The following GNG12 variants were observed in gnomAD, a reference collection of about 807,000 sequenced individuals.
The protein encoded by GNG12 is guanine nucleotide-binding protein G(I)/G(S)/G(O) subunit gamma-12.
For missense variants in GNG12, 69 were observed against 83.8 expected (o/e 0.82, Z 0.69); for synonymous variants, 28 against 29.7 (o/e 0.94, Z 0.19).
intron 1 of GNG12, among the ~76,000 whole-genome samples, chr1:67,790,931 TG>T (rs1646798820): frequency 6.6e-6 from 1 of 152,176 alleles, no homozygotes; most frequent in East Asian, 1.9e-4. Flanking sequence ...TATTCCTATA[TG>T]TATTTGTTTT....
chr1:67,773,884 T>C lies in GNG12; in HGVS notation c.-27+3574A>G, dbSNP rs188882604. ...GGGGAGGGGAGGAGGGTTGTGAATATATTTATTTGTTATTTCAGCTGAAAC... is the reference window on the plus strand; with the variant it reads ...GGGGAGGGGAGGAGGGTTGTGAATACATTTATTTGTTATTTCAGCTGAAAC... On this transcript the variant is annotated intron_variant, in intron 2 of 3. Transcript: ENST00000370982. Among the ~76,000 whole-genome samples the C allele has an allele frequency of 1.3e-3, 202 of 152,242 alleles. 1 individual carries two copies. The highest frequency in any genetic ancestry group is 7.4e-4 in the Non-Finnish European group (50 of 68,014).
At chr1:67,735,403 TTGAG>T (rs1320151976) in intron 2 of GNG12, among the ~76,000 whole-genome samples, 7 of 152,298 alleles carry the variant, frequency 4.6e-5, no homozygotes, top group Non-Finnish European at 1.0e-4. Context: ...TGATCACACT[TTGAG>T]TGAATGCTGG....
chr1:67,748,407 T>TAAAAAA (rs537380412), intron 2 of GNG12, among the ~76,000 whole-genome samples: 67 of 152,200 alleles, frequency 4.4e-4, no homozygotes, highest in Non-Finnish European at 7.5e-4. Context: ...ACATGCTTTA[T>TAAAAAA]AAAAAAATAA....
intron 1 of GNG12, among the ~76,000 whole-genome samples, chr1:67,794,881 C>T (rs963147326): frequency 6.6e-6 from 1 of 152,216 alleles, no homozygotes; most frequent in Non-Finnish European, 1.5e-5. Context: ...AACCATCCAA[C>T]CATCCACCCA....
Position 67,777,465 on chromosome 1 carries a change from A to C in GNG12, c.-34T>G. 1 of 920,138 alleles carries C rather than the reference A, an allele frequency of 1.1e-6. No homozygotes were observed. Among genetic ancestry groups the C allele is most frequent in the South Asian group, 5.0e-5 (1 of 19,910 alleles). The allele number at this position is 920,138 out of a possible 1,614,324, so 57.0% of individuals were successfully genotyped here. A position where few individuals can be genotyped will look rare whatever the true frequency, so the allele number is the denominator to read the frequency against. ...AAGAAATGAAGAACTTACCAGTAAG[A>C]CTTTGTGTGGTCCAATGTTTTCAGG... On this transcript the variant is annotated 5_prime_UTR_variant, in exon 2 of 4. Transcript: ENST00000370982.
At chr1:67,714,938 T>C (rs1369616288) in intron 2 of GNG12, among the ~76,000 whole-genome samples, 1 of 150,694 alleles carries the variant, frequency 6.6e-6, no homozygotes, top group Non-Finnish European at 1.5e-5. Flanking sequence ...TTGTTTGTTT[T>C]TGAGATGGAG....
intron 1 of GNG12, among the ~76,000 whole-genome samples, chr1:67,807,254 T>C (rs1646898965): frequency 6.6e-6 from 1 of 151,942 alleles, no homozygotes; most frequent in South Asian, 2.1e-4. Context: ...AAAATACACC[T>C]AATCAAAACT....
intron 1 of GNG12, among the ~76,000 whole-genome samples, chr1:67,819,689 T>C (rs1159434699): frequency 2.0e-5 from 3 of 152,236 alleles, no homozygotes; most frequent in South Asian, 4.1e-4. Flanking sequence ...CTCTGTCTAC[T>C]TCTCCAAACT....
chr1:67,761,554 C>T (rs1049350728), intron 2 of GNG12, among the ~76,000 whole-genome samples: 3 of 152,106 alleles, frequency 2.0e-5, no homozygotes, highest in African/African-American at 7.2e-5. Flanking sequence ...GCATCTTGTT[C>T]AATAACAACA....
intron 1 of GNG12, among the ~76,000 whole-genome samples, chr1:67,825,841 A>G (rs762003115): frequency 1.3e-5 from 2 of 152,200 alleles, no homozygotes; most frequent in Non-Finnish European, 2.9e-5. Context: ...GGCAAGTATT[A>G]GGCAATACTG....
At chr1:67,810,868 C>T (rs924675887) in intron 1 of GNG12, among the ~76,000 whole-genome samples, 4 of 152,060 alleles carry the variant, frequency 2.6e-5, no homozygotes, top group African/African-American at 4.8e-5. Flanking sequence ...TACATGGGGA[C>T]GGAAATACTC....
chr1:67,781,849 A>G (rs1646739414), intron 1 of GNG12, among the ~76,000 whole-genome samples: 2 of 152,194 alleles, frequency 1.3e-5, no homozygotes, highest in Admixed American at 6.6e-5. Context: ...GAAGAAAAAA[A>G]TCAAGAATTC....
intron 1 of GNG12, among the ~76,000 whole-genome samples, chr1:67,810,600 A>T (rs1435822797): frequency 6.6e-6 from 1 of 152,220 alleles, no homozygotes; most frequent in Non-Finnish European, 1.5e-5. Flanking sequence ...CTAAAAAAAG[A>T]TTGATTTGTG....
intron 2 of GNG12, among the ~76,000 whole-genome samples, chr1:67,724,793 T>A (rs993321322): frequency 1.3e-5 from 2 of 152,360 alleles, no homozygotes; most frequent in African/African-American, 4.8e-5. Context: ...AAAGACTGGC[T>A]ATGAGTTAGT....
chr1:67,724,905 C>T (rs1312014677), intron 2 of GNG12, among the ~76,000 whole-genome samples: 1 of 152,094 alleles, frequency 6.6e-6, no homozygotes, highest in Non-Finnish European at 1.5e-5. Flanking sequence ...GTCTATAGTC[C>T]TAAACATGTC....
chr1:67,823,471 G>GT (rs1646994868), intron 1 of GNG12, among the ~76,000 whole-genome samples: 1 of 152,198 alleles, frequency 6.6e-6, no homozygotes, highest in East Asian at 1.9e-4. Context: ...CATCACATTT[G>GT]TAAGTCTGTA....
At chr1:67,724,214 G>A (rs1646372683) in intron 2 of GNG12, among the ~76,000 whole-genome samples, 1 of 152,200 alleles carries the variant, frequency 6.6e-6, no homozygotes, top group African/African-American at 2.4e-5. Context: ...TGAGAGGGCA[G>A]AAGGGGATGA....
chr1:67,794,808 GCA>G (rs898382213), intron 1 of GNG12, among the ~76,000 whole-genome samples: 1 of 152,186 alleles, frequency 6.6e-6, no homozygotes, highest in African/African-American at 2.4e-5. Flanking sequence ...ATATCATTTA[GCA>G]CAGAGGCCCT....
chr1:67,780,560 C>T (rs577044830), intron 1 of GNG12, among the ~76,000 whole-genome samples: 1 of 152,326 alleles, frequency 6.6e-6, no homozygotes, highest in East Asian at 1.9e-4. Context: ...AGTAAAGACA[C>T]ACACAGGAAA....
Sources: allele counts gnomAD v4.1 joint callset (sites outside exome capture counted in the v4.1 genomes callset), GRCh38; gene constraint gnomAD v4.1.1; transcripts MANE v1.5; gene names NCBI Gene and HGNC (gene_info 2026-07-23, HGNC 2026-07-21).